STAG2: variants seen among roughly 807,000 people sequenced by gnomAD.
STAG2 encodes STAG2 cohesin complex component.
A neutral mutation model predicts 108.1 loss-of-function variants in STAG2; 14 were observed. That is an observed-to-expected ratio of 0.13 (90% CI 0.09 to 0.20). The LOEUF (loss-of-function observed/expected upper bound fraction) is 0.20, where lower values mean the gene tolerates loss of function less well. Ranked by LOEUF, STAG2 falls within the 10% of genes least tolerant of loss-of-function variation. STAG2 has a pLI of 1.00. For synonymous variants in STAG2, 307 were observed against 302.7 expected, an observed-to-expected ratio of 1.01 and a Z score of -0.15; for missense variants, 440 against 940.9, an observed-to-expected ratio of 0.47 and a Z score of 6.96.
rs778717197 is a variant in STAG2, at chrX:124,090,459, G to A, written c.3278-116G>A. On this transcript the variant is annotated intron_variant, in intron 30 of 34. Transcript: ENST00000371145. ...CCCCTTACATAGGTTTGTGTCCCCC[G>A]TTCCTGTGACTTGCATGTGGAAATC... 4.1e-4 allele frequency: 254 copies of A among 620,090 alleles called. 1 individual carries two copies. The highest frequency in any genetic ancestry group is 4.8e-4 in the Non-Finnish European group (189 of 391,099). The allele number at this position is 620,090 out of a possible 1,213,427, so 51.1% of individuals were successfully genotyped here. A position where few individuals can be genotyped will look rare whatever the true frequency, so the allele number is the denominator to read the frequency against.
chrX:124,039,760 A>T (rs1044276436), intron 6 of STAG2, among the ~76,000 whole-genome samples: 1 of 108,663 alleles, frequency 9.2e-6, no homozygotes, highest in Middle Eastern at 4.7e-3. Context: ...AAAGTGCTGG[A>T]ATTACAGGTG....
rs758263618 is a variant in STAG2 at position 124,102,414 on chromosome X, C to T, written c.*1817C>T. ...TATTACTCTAACCTGTTGTCCTCCA[C>T]ATTCTATTGTCCTAATTGTACTGTT... On this transcript the variant is annotated 3_prime_UTR_variant, in exon 35 of 35. Transcript: ENST00000371145. The T allele has an allele frequency of 1.4e-3, 213 of 155,972 alleles. No homozygotes were observed. The highest frequency in any genetic ancestry group is 0.013 in the Middle Eastern group (6 of 450). The allele number at this position is 155,972 out of a possible 1,213,427, so 12.9% of individuals were successfully genotyped here. A position where few individuals can be genotyped will look rare whatever the true frequency, so the allele number is the denominator to read the frequency against.
rs142084795 is a variant in STAG2 at position 123,998,892 on chromosome X, G to A, written c.-162-22475G>A. ...CCAAGTGCTTTGGGAGGCCAAGGCCGGGAGTATCACGAGACCAGCCTGGGC... is the reference window on the plus strand; with the variant it reads ...CCAAGTGCTTTGGGAGGCCAAGGCCAGGAGTATCACGAGACCAGCCTGGGC... On this transcript the variant is annotated intron_variant, in intron 1 of 34. Transcript: ENST00000371145. Among the ~76,000 whole-genome samples the A allele has an allele frequency of 6.5e-3, 727 of 111,281 alleles. 4 individuals are homozygous for A. Among genetic ancestry groups the A allele is most frequent in the African/African-American group, 0.022 (689 of 30,644 alleles).
intron 5 of STAG2, among the ~76,000 whole-genome samples, chrX:124,034,904 T>TATTATC (rs1556510931): frequency 1.9e-5 from 2 of 107,668 alleles, no homozygotes; most frequent in African/African-American, 6.8e-5. Flanking sequence ...TTATTATTAT[T>TATTATC]ATCATTATTC....
chrX:123,971,801 G>A (rs1308210114), intron 1 of STAG2, among the ~76,000 whole-genome samples: 1 of 111,752 alleles, frequency 8.9e-6, no homozygotes, highest in Non-Finnish European at 1.9e-5. Context: ...TTTTTACTGA[G>A]AAGACAGTAG....
intron 13 of STAG2, among the ~76,000 whole-genome samples, chrX:124,051,960 G>T (rs1477991136): frequency 8.9e-6 from 1 of 111,962 alleles, no homozygotes; most frequent in Non-Finnish European, 1.9e-5. Context: ...TTTCCTTCCT[G>T]TTTTTCTGTT....
upstream of STAG2, chrX:123,960,602 CAAAAAAAAAAAAAAAAA>C (rs1208693829): frequency 1.0e-3 from 7 of 7,012 alleles, no homozygotes; most frequent in African/African-American, 1.6e-3. Flanking sequence ...GAAGCGCCAC[CAAAAAAAAAAAAAAAAA>C]AAAAAAAAAA....
intron 1 of STAG2, among the ~76,000 whole-genome samples, chrX:124,017,218 T>C (rs763198763): frequency 1.8e-5 from 2 of 110,021 alleles, no homozygotes; most frequent in Admixed American, 2.0e-4. Context: ...AATACCTTTT[T>C]TTTTTTATGG....
intron 1 of STAG2, among the ~76,000 whole-genome samples, chrX:124,012,577 T>C (rs1472509210): frequency 8.9e-6 from 1 of 111,857 alleles, no homozygotes; most frequent in Non-Finnish European, 1.9e-5. Context: ...TAGTGGGTAA[T>C]ATCAAGTGGC....
chrX:124,026,049 A>G (rs2057085039), intron 4 of STAG2, 131 bp downstream of exon 4: 8 of 363,010 alleles, frequency 2.2e-5, no homozygotes, highest in Non-Finnish European at 3.3e-5. Context: ...TGGTATGGTA[A>G]GCCTTCTGAG....
At position 123,991,496 on chromosome X, in the gene STAG2, G is replaced by A. The variant is rs113933129; in HGVS notation, c.-163+29640G>A. Reference sequence around the variant, plus strand: ...GCCTCCCAAGTAGCTGGGACTACAAGCATGTGCCACCATGCCTGGCTAATT... The same window carrying A: ...GCCTCCCAAGTAGCTGGGACTACAAACATGTGCCACCATGCCTGGCTAATT... On this transcript the variant is annotated intron_variant, in intron 1 of 34. Coordinates refer to ENST00000371145, the MANE Select transcript of STAG2 (RefSeq NM_001042750.2). Among the ~76,000 whole-genome samples, 697 of 108,280 alleles carry A rather than the reference G, an allele frequency of 6.4e-3. 5 individuals carry two copies. The highest frequency in any genetic ancestry group is 0.022 in the African/African-American group (655 of 29,612). 94.0% of individuals were successfully genotyped at this position (108,280 alleles called of 115,157 possible). A position where few individuals can be genotyped will look rare whatever the true frequency, so the allele number is the denominator to read the frequency against.
chrX:124,028,112 T>C (rs1239853780), intron 4 of STAG2, among the ~76,000 whole-genome samples: 2 of 111,807 alleles, frequency 1.8e-5, no homozygotes, highest in Non-Finnish European at 3.8e-5. Flanking sequence ...TTCAACCTTA[T>C]CTCTGAAAAT....
At chrX:124,070,349 TTAA>T (rs1016089316) in intron 24 of STAG2, among the ~76,000 whole-genome samples, 2 of 112,027 alleles carry the variant, frequency 1.8e-5, no homozygotes, top group African/African-American at 6.5e-5. Context: ...GGCAAAACTC[TTAA>T]TAAGATCTGC....
intron 5 of STAG2, 33 bp from the exon 6 acceptor site, chrX:124,037,494 G>C (rs2057554852): frequency 1.0e-6 from 1 of 979,635 alleles, no homozygotes; most frequent in South Asian, 2.4e-5. Context: ...ATTAGAAGAA[G>C]CTAATGATTT....
intron 1 of STAG2, among the ~76,000 whole-genome samples, chrX:124,015,574 G>C (rs993871351): frequency 1.9e-5 from 2 of 107,691 alleles, no homozygotes; most frequent in Non-Finnish European, 3.8e-5. Flanking sequence ...AGTAGAGATG[G>C]GGTTTCACCA....
intron 6 of STAG2, among the ~76,000 whole-genome samples, chrX:124,040,803 CA>C (rs773074675): frequency 9.5e-6 from 1 of 104,827 alleles, no homozygotes; most frequent in South Asian, 4.5e-4. Context: ...AGATTAAAAA[CA>C]AAAGCCTTTC....
intron 15 of STAG2, among the ~76,000 whole-genome samples, chrX:124,058,722 A>G (rs1252698829): frequency 8.9e-6 from 1 of 112,015 alleles, no homozygotes; most frequent in East Asian, 2.8e-4. Context: ...TGCCATTGCA[A>G]TTGTAGATGT....
chrX:123,999,620 TTTG>T (rs949485842), intron 1 of STAG2, among the ~76,000 whole-genome samples: 4 of 110,827 alleles, frequency 3.6e-5, no homozygotes, highest in Non-Finnish European at 7.6e-5. Context: ...AATTTTTTTG[TTTG>T]TTTGTTTGAG....
chrX:124,070,217 C>T (rs2148365626), intron 24 of STAG2, among the ~76,000 whole-genome samples: 1 of 111,530 alleles, frequency 9.0e-6, no homozygotes, highest in South Asian at 3.7e-4. Flanking sequence ...CTTTATGTTG[C>T]AAGTTTTTGT....
Sources: gnomAD v4.1 joint callset for allele counts (sites outside exome capture counted in the v4.1 genomes callset) on GRCh38, gnomAD v4.1.1 for gene constraint, MANE v1.5 for transcripts, NCBI Gene and HGNC (gene_info 2026-07-23, HGNC 2026-07-21) for gene names.